The following TUBB8 variants were observed in gnomAD, a reference collection of about 807,000 sequenced individuals.
TUBB8 encodes tubulin beta-8 chain.
Under a neutral mutation model 33.7 loss-of-function variants are expected in TUBB8, and 25 were observed. The observed-to-expected ratio is 0.74, with a 90% CI of 0.54 to 1.04. The LOEUF is 1.04. Among genes scored for constraint, TUBB8 ranks in the 50% least tolerant of loss-of-function variants. TUBB8 has a pLI of 0.00. For missense variants in TUBB8, 279 were observed against 608.0 expected (o/e 0.46, Z 5.69); for synonymous variants, 245 against 240.1 (o/e 1.02, Z -0.19).
At chr10:65,802 T>C (rs1834663842) in intron 1 of TUBB8, among the ~76,000 whole-genome samples, 1 of 152,336 alleles carries the variant, frequency 6.6e-6, no homozygotes, top group Admixed American at 6.5e-5. Flanking sequence ...ATTTTGAGGA[T>C]TGCACAACAT....
upstream of TUBB8, among the ~76,000 whole-genome samples, chr10:75,374 G>T (rs1437148682): frequency 2.7e-5 from 4 of 148,786 alleles, no homozygotes; most frequent in South Asian, 2.1e-4. Context: ...CCGAAAAAAG[G>T]CTGGACGTGG....
chr10:48,447 C>A (rs1459449681), intron 3 of TUBB8, 168 bp downstream of exon 3: 4 of 704,780 alleles, frequency 5.7e-6, no homozygotes, highest in Non-Finnish European at 7.5e-6. Flanking sequence ...CCAGGGCCTT[C>A]CTCCCGAAGC....
At chr10:63,242 TTC>T (rs1375067434) in intron 1 of TUBB8, among the ~76,000 whole-genome samples, 1 of 152,078 alleles carries the variant, frequency 6.6e-6, no homozygotes, top group East Asian at 1.9e-4. Flanking sequence ...CCCAGCTAAT[TTC>T]TTTTTGTATT....
chr10:48,022 C>T lies in TUBB8; in HGVS notation c.370G>A (p.Ala124Thr), dbSNP rs1254920626. The T allele has an allele frequency of 6.2e-7, 1 of 1,613,900 alleles. No individual in the cohort carries two copies. Residue 124 changes from alanine (A) to threonine (T), a missense_variant, in exon 4 of 4, where the codon GCT (alanine) becomes ACT (threonine). Coordinates refer to ENST00000568584, the MANE Select transcript of TUBB8 (RefSeq NM_177987.3). The part of the protein sequence containing the change: ...ESVMDVVRKE[A>T]ESCDCLQGFQ... Reference sequence around the variant, plus strand: ...CCCTGCAGGCAGTCACAGCTCTCAGCCTCCTTTCTGACAACGTCCATCACT... The same window carrying T: ...CCCTGCAGGCAGTCACAGCTCTCAGTCTCCTTTCTGACAACGTCCATCACT...
At chr10:50,323 G>A (rs1271979010), upstream of TUBB8, 3 of 152,312 alleles carry the variant, frequency 2.0e-5, no homozygotes, top group East Asian at 5.8e-4. Flanking sequence ...CCTGTGATTG[G>A]TACTTGGCAT....
At chr10:66,891 T>G (rs2130948750) in intron 1 of TUBB8, among the ~76,000 whole-genome samples, 1 of 152,266 alleles carries the variant, frequency 6.6e-6, no homozygotes, top group Middle Eastern at 3.4e-3. Flanking sequence ...GAGGATCACT[T>G]GAGCCCAGGA....
chr10:61,490 T>A (rs577669242), intron 1 of TUBB8, among the ~76,000 whole-genome samples: 2 of 152,236 alleles, frequency 1.3e-5, no homozygotes, highest in Non-Finnish European at 2.9e-5. Flanking sequence ...TACTTCAAAT[T>A]TTTTTAATGT....
At chr10:66,316 C>T (rs1485169521) in intron 1 of TUBB8, among the ~76,000 whole-genome samples, 1 of 152,218 alleles carries the variant, frequency 6.6e-6, no homozygotes, top group Non-Finnish European at 1.5e-5. Flanking sequence ...TGCTGTATTT[C>T]CAGACACCAG....
chr10:49,273 G>T lies in TUBB8; in HGVS notation c.-35C>A. ...GGGATTAGGACGGCAGGAGAAACGT[G>T]AGAAGGAGGAGCAGACGCGCAGCGA... On this transcript the variant is annotated 5_prime_UTR_variant, in exon 1 of 4. Coordinates refer to ENST00000568584, the MANE Select transcript of TUBB8 (RefSeq NM_177987.3). 6.4e-7 allele frequency: 1 copy of T among 1,569,022 alleles called. No individual in the cohort carries two copies. The highest frequency in any genetic ancestry group is 8.6e-7 in the Non-Finnish European group (1 of 1,157,140).
At chr10:49,035 C>T in intron 1 of TUBB8, 123 bp from the exon 2 acceptor site, 13 of 1,262,046 alleles carry the variant, frequency 1.0e-5, no homozygotes, top group Non-Finnish European at 1.4e-5. Context: ...GGGGTCCACC[C>T]CGGCCGCCTC....
rs559571072 is a variant in TUBB8 at position 55,523 on chromosome 10, T to A, written c.-845-5290A>T. ...TCCATTTGTCCATGTTTGCTTTGGT[T>A]GTCTGTGCTTATGGGGCATTATTTA... is the stretch of plus-strand genomic sequence containing the variant. On this transcript the variant is annotated intron_variant, in intron 1 of 3. Coordinates refer to the TUBB8 transcript ENST00000564130. Among the ~76,000 whole-genome samples the A allele has an allele frequency of 3.9e-5, 6 of 152,382 alleles. No homozygotes were observed. The South Asian group carries it at 1.2e-3, about 32-fold the overall frequency.
intron 1 of TUBB8, among the ~76,000 whole-genome samples, chr10:61,604 T>G (rs1283245317): frequency 2.6e-4 from 40 of 152,274 alleles, no homozygotes; most frequent in African/African-American, 9.4e-4. Flanking sequence ...TGTAAATATC[T>G]ATTAGGTTCA....
intron 1 of TUBB8, among the ~76,000 whole-genome samples, chr10:72,808 C>T (rs551165763): frequency 8.0e-5 from 12 of 150,760 alleles, no homozygotes; most frequent in Non-Finnish European, 1.6e-4. Context: ...GCTGAGCTCA[C>T]GCCACTGCAC....
At chr10:69,050 C>A (rs557472247) in intron 1 of TUBB8, among the ~76,000 whole-genome samples, 1 of 152,238 alleles carries the variant, frequency 6.6e-6, no homozygotes, top group Non-Finnish European at 1.5e-5. Flanking sequence ...AGAAAGAGCA[C>A]AATCCCCCTG....
chr10:53,725 TA>T (rs1166958121), upstream of TUBB8, among the ~76,000 whole-genome samples: 1 of 151,892 alleles, frequency 6.6e-6, no homozygotes, highest in Admixed American at 6.5e-5. Context: ...GGCTCAGGAT[TA>T]AAAATTCTTC....
Position 48,947 on chromosome 10 carries a change from C to A in TUBB8, c.58-35G>T, listed in dbSNP as rs1554738945. The A allele has an allele frequency of 7.8e-6, 11 of 1,417,996 alleles. No homozygotes were observed. In the Admixed American group the frequency reaches 2.0e-4, roughly 25 times the overall value. The allele number at this position is 1,417,996 out of a possible 1,614,324, so 87.8% of individuals were successfully genotyped here. A position where few individuals can be genotyped will look rare whatever the true frequency, so the allele number is the denominator to read the frequency against. On this transcript the variant is annotated intron_variant, in intron 1 of 3. Coordinates refer to ENST00000568584, the MANE Select transcript of TUBB8 (RefSeq NM_177987.3). ...ACGGGAGGAGACAGACAGGCCGGGG[C>A]TGAGTCAGGGAGGCGCCCCAGCCGC... is the stretch of plus-strand genomic sequence containing the variant.
At chr10:71,901 CCTT>C (rs1834741068) in intron 1 of TUBB8, among the ~76,000 whole-genome samples, 1 of 148,954 alleles carries the variant, frequency 6.7e-6, no homozygotes, top group Admixed American at 6.7e-5. Flanking sequence ...TAGAGCAAGA[CCTT>C]CTCTCTTAAA....
In TUBB8 at chr10:48,688, C is replaced by T. The variant is rs782017474; in HGVS notation, c.204G>A (p.Leu68=). The change falls in exon 3 of 4, where the codon CTG becomes CTA. Residue 68 remains leucine (L), a synonymous_variant. Coordinates refer to ENST00000568584, the MANE Select transcript of TUBB8 (RefSeq NM_177987.3). ...GCACAGAGTCCATGGTGCCCGGCTCCAGATCCACGAGCACAGCGCGGGGCA... is the reference window on the plus strand; with the variant it reads ...GCACAGAGTCCATGGTGCCCGGCTCTAGATCCACGAGCACAGCGCGGGGCA... ...RYVPRAVLVD[L]EPGTMDSVRS... 13 of 1,611,982 alleles carry T rather than the reference C, an allele frequency of 8.1e-6. No individual in the cohort carries two copies. The Admixed American group carries it at 2.0e-4, about 25-fold the overall frequency.
intron 1 of TUBB8, among the ~76,000 whole-genome samples, chr10:59,495 T>A (rs1554740611): frequency 6.6e-6 from 1 of 152,240 alleles, no homozygotes; most frequent in Non-Finnish European, 1.5e-5. Context: ...GGCCCCTTCA[T>A]TCTGTTTATA....
Sources: allele counts gnomAD v4.1 joint callset (sites outside exome capture counted in the v4.1 genomes callset), GRCh38; gene constraint gnomAD v4.1.1; transcripts MANE v1.5; gene names NCBI Gene and HGNC (gene_info 2026-07-23, HGNC 2026-07-21).